ATRNL1: variants seen among roughly 807,000 people sequenced by gnomAD.
ATRNL1 encodes attractin like 1.
In ATRNL1, 95 loss-of-function variants were observed where a neutral mutation model predicts 182.7. That is an observed-to-expected ratio of 0.52 (90% CI 0.44 to 0.62). ATRNL1 has a LOEUF of 0.62. Ranked by LOEUF, ATRNL1 falls within the 20% of genes least tolerant of loss-of-function variation. The pLI is 0.00. For synonymous variants in ATRNL1, 576 were observed against 568.3 expected (o/e 1.01, Z -0.19); for missense variants, 1,471 against 1,679.5 (o/e 0.88, Z 2.17).
intron 19 of ATRNL1, among the ~76,000 whole-genome samples, chr10:115,341,148 A>G (rs55745211): frequency 8.8e-4 from 134 of 151,886 alleles, no homozygotes; most frequent in African/African-American, 3.2e-3. Flanking sequence ...TTTTTGATGT[A>G]GGCACTTATA....
At chr10:115,862,544 A>G (rs1010553457) in intron 28 of ATRNL1, among the ~76,000 whole-genome samples, 1 of 152,196 alleles carries the variant, frequency 6.6e-6, no homozygotes, top group Admixed American at 6.5e-5. Flanking sequence ...CTGAAATACT[A>G]TTTCTTACCT....
chr10:115,481,331 G>A (rs1178142962), intron 24 of ATRNL1, among the ~76,000 whole-genome samples: 1 of 150,518 alleles, frequency 6.6e-6, no homozygotes, highest in East Asian at 1.9e-4. Context: ...ATCTTTGTGT[G>A]CATTCATCTT....
chr10:115,359,735 T>C (rs1305256276), intron 19 of ATRNL1, among the ~76,000 whole-genome samples: 1 of 151,670 alleles, frequency 6.6e-6, no homozygotes, highest in African/African-American at 2.4e-5. Context: ...CTTCAGTTTC[T>C]AGTTTTTCTA....
At position 115,565,737 on chromosome 10, in the gene ATRNL1, A is replaced by C. The variant is rs566488317; in HGVS notation, c.3795+16201A>C. On this transcript the variant is annotated intron_variant, in intron 26 of 28. Coordinates refer to ENST00000355044, the MANE Select transcript of ATRNL1 (RefSeq NM_207303.4). ...AAACTATGTAAGATTATAATTAAAA[A>C]CTTTAAAAGTCGTTATATATTTTGC... Among the ~76,000 whole-genome samples the C allele has an allele frequency of 2.6e-4, 40 of 152,158 alleles. 1 individual carries two copies. The South Asian group carries it at 8.1e-3, about 31-fold the overall frequency.
intron 21 of ATRNL1, among the ~76,000 whole-genome samples, chr10:115,435,136 C>G (rs1446770692): frequency 7.3e-5 from 11 of 151,556 alleles, no homozygotes; most frequent in African/African-American, 1.7e-4. Flanking sequence ...ATTCTCCTGC[C>G]TCCTGAGTAG....
chr10:115,751,252 GA>G (rs1948440215), intron 27 of ATRNL1, among the ~76,000 whole-genome samples: 1 of 152,044 alleles, frequency 6.6e-6, no homozygotes, highest in African/African-American at 2.4e-5. Flanking sequence ...AAAAGGCAAT[GA>G]AATGGATTTT....
At chr10:115,267,867 T>C (rs782020320) in intron 12 of ATRNL1, among the ~76,000 whole-genome samples, 2 of 152,124 alleles carry the variant, frequency 1.3e-5, no homozygotes, top group Non-Finnish European at 2.9e-5. Context: ...TTTCAAGCAA[T>C]TCTGCTGCCT....
chr10:115,177,919 T>G (rs1847590242), intron 8 of ATRNL1, among the ~76,000 whole-genome samples: 1 of 120,362 alleles, frequency 8.3e-6, no homozygotes, highest in Non-Finnish European at 1.8e-5. Flanking sequence ...TTTGTTTTTT[T>G]TTTTGTTTTT....
At chr10:115,855,640 C>T (rs1555101708) in intron 28 of ATRNL1, among the ~76,000 whole-genome samples, 1 of 152,164 alleles carries the variant, frequency 6.6e-6, no homozygotes, top group African/African-American at 2.4e-5. Flanking sequence ...CAAATGTATA[C>T]TTTACGATGT....
chr10:115,165,493 C>T (rs1289542012), intron 6 of ATRNL1, 65 bp from the exon 7 acceptor site: 24 of 818,958 alleles, frequency 2.9e-5, no homozygotes, highest in Admixed American at 1.5e-4. Context: ...ATAAAAAGCA[C>T]GTGAAAATTA....
At chr10:115,294,227 T>C (rs1274773766) in intron 15 of ATRNL1, among the ~76,000 whole-genome samples, 5 of 152,208 alleles carry the variant, frequency 3.3e-5, no homozygotes, top group African/African-American at 1.2e-4. Flanking sequence ...TGTGAACCTG[T>C]AGTCCTAGCT....
intron 27 of ATRNL1, among the ~76,000 whole-genome samples, chr10:115,744,746 A>T (rs1245632428): frequency 6.6e-6 from 1 of 152,168 alleles, no homozygotes; most frequent in Non-Finnish European, 1.5e-5. Context: ...ACATATACAC[A>T]GTTTTCATCC....
intron 26 of ATRNL1, among the ~76,000 whole-genome samples, chr10:115,551,935 A>G (rs1853015421): frequency 6.6e-6 from 1 of 151,428 alleles, no homozygotes; most frequent in Non-Finnish European, 1.5e-5. Flanking sequence ...CCACATTCAC[A>G]TAAATTTTAG....
intron 26 of ATRNL1, among the ~76,000 whole-genome samples, chr10:115,587,769 A>C (rs1555010675): frequency 6.6e-6 from 1 of 152,170 alleles, no homozygotes; most frequent in Admixed American, 6.5e-5. Flanking sequence ...CTATTCGGCC[A>C]TCTTGGCTTC....
chr10:115,307,408 G>T (rs552998737), intron 17 of ATRNL1, among the ~76,000 whole-genome samples: 1 of 152,208 alleles, frequency 6.6e-6, no homozygotes, highest in East Asian at 1.9e-4. Context: ...GACTACAGGT[G>T]CCTGCCCCAT....
At chr10:115,298,212 A>T (rs1471681401) in intron 15 of ATRNL1, among the ~76,000 whole-genome samples, 1 of 152,184 alleles carries the variant, frequency 6.6e-6, no homozygotes, top group African/African-American at 2.4e-5. Flanking sequence ...TGACAAATTC[A>T]TGCACTTTAT....
At chr10:115,470,784 T>A (rs1554971969) in intron 24 of ATRNL1, among the ~76,000 whole-genome samples, 2 of 150,590 alleles carry the variant, frequency 1.3e-5, no homozygotes, top group African/African-American at 4.8e-5. Context: ...TGGAAAATAA[T>A]TGAGATGGAC....
chr10:115,932,914 G>A (rs1433273011), intron 28 of ATRNL1, among the ~76,000 whole-genome samples: 1 of 152,076 alleles, frequency 6.6e-6, no homozygotes, highest in South Asian at 2.1e-4. Context: ...AAATTATTAT[G>A]TGCATCACTA....
intron 27 of ATRNL1, among the ~76,000 whole-genome samples, chr10:115,818,599 G>A (rs1225903769): frequency 6.6e-6 from 1 of 152,098 alleles, no homozygotes; most frequent in Non-Finnish European, 1.5e-5. Flanking sequence ...TATGTTGGCT[G>A]TGCCCTTCCT....
Sources: gnomAD v4.1 joint callset for allele counts (sites outside exome capture counted in the v4.1 genomes callset) on GRCh38, gnomAD v4.1.1 for gene constraint, MANE v1.5 for transcripts, NCBI Gene and HGNC (gene_info 2026-07-23, HGNC 2026-07-21) for gene names.